The following NBEAL1 variants were observed in gnomAD, a reference collection of about 807,000 sequenced individuals.
NBEAL1 encodes neurobeachin like 1, also known as neurobeachin-like protein 1.
Under a neutral mutation model 351.3 loss-of-function variants are expected in NBEAL1, and 273 were observed. That is an observed-to-expected ratio of 0.78 (90% CI 0.70 to 0.86). NBEAL1 has a LOEUF of 0.86. Ranked by LOEUF, NBEAL1 falls within the 40% of genes least tolerant of loss-of-function variation. The pLI, the probability that NBEAL1 is intolerant of heterozygous loss-of-function variation, is 0.00. For missense variants in NBEAL1, 2,961 were observed against 3,201.3 expected (o/e 0.92, Z 1.81); for synonymous variants, 1,050 against 1,086.4 (o/e 0.97, Z 0.66).
chr2:203,138,072 C>A, intron 29 of NBEAL1, 90 bp from the exon 30 acceptor site: 1 of 1,147,364 alleles, frequency 8.7e-7, no homozygotes, highest in Non-Finnish European at 1.3e-6. Flanking sequence ...AGATACAGTG[C>A]TGCCTCTCAA....
Position 203,129,976 on chromosome 2 carries a change from G to A in NBEAL1, c.3406-342G>A, listed in dbSNP as rs531684663. ...GAGGAGTTTGAGACTAGCCTGGGCG[G>A]CATGACGAAACCCCATTCCTACCAG... On this transcript the variant is annotated intron_variant, in intron 24 of 55. Coordinates refer to ENST00000683969, the MANE Select transcript of NBEAL1 (RefSeq NM_001378026.1). Among the ~76,000 whole-genome samples, 29 of 152,270 alleles carry A rather than the reference G, an allele frequency of 1.9e-4. No individual in the cohort carries two copies. The East Asian group carries it at 5.4e-3, about 28-fold the overall frequency.
At chr2:203,050,820 C>G (rs1463572036) in intron 4 of NBEAL1, among the ~76,000 whole-genome samples, 1 of 152,108 alleles carries the variant, frequency 6.6e-6, no homozygotes, top group Non-Finnish European at 1.5e-5. Flanking sequence ...TGTAAGAATT[C>G]AAGAACCATT....
At position 203,149,116 on chromosome 2, in the gene NBEAL1, T is replaced by C. The variant is rs755847855; in HGVS notation, c.5430T>C (p.Tyr1810=). The C allele has an allele frequency of 6.2e-7, 1 of 1,605,090 alleles. No individual in the cohort carries two copies. Among genetic ancestry groups the C allele is most frequent in the South Asian group, 1.1e-5 (1 of 89,318 alleles). ...TLRRWKAIQL[Y]LTCERGPWAK... ...GACGCTGGAAAGCAATACAGCTCTA[T>C]CTTACATGTGAAAGGGGACCTTGGG... is the stretch of plus-strand genomic sequence containing the variant. Residue 1810 remains tyrosine, a synonymous_variant, in exon 34 of 56, where the codon TAT becomes TAC. Coordinates refer to ENST00000683969, the MANE Select transcript of NBEAL1 (RefSeq NM_001378026.1).
At chr2:203,107,560 C>T (rs2062464716) in intron 13 of NBEAL1, 42 bp downstream of exon 13, 1 of 1,539,064 alleles carries the variant, frequency 6.5e-7, no homozygotes, top group Admixed American at 2.0e-5. Flanking sequence ...TGTTAATATC[C>T]ATTTTGAAAA....
rs1418186337 is a variant in NBEAL1, at chr2:203,136,080, GA to G, written c.4219del (p.Ile1407LeufsTer6). On this transcript the variant is annotated frameshift_variant, in exon 28 of 56. Coordinates refer to ENST00000683969, the MANE Select transcript of NBEAL1 (RefSeq NM_001378026.1). LOFTEE classifies it high-confidence loss of function. ...TCACATTTGAGTTTAGACCTCAGTG[GA>G]ATTGACTCATGTGAAATGAGTGATA... is the stretch of plus-strand genomic sequence containing the variant. The part of the protein sequence containing the change: ...NPSHLSLDLS[G>X]IDSCEMSDSG... 1.2e-6 allele frequency: 2 copies of G among 1,613,918 alleles called. No homozygotes were observed. The highest frequency in any genetic ancestry group is 1.7e-5 in the Admixed American group (1 of 59,976).
At chr2:203,050,316 T>A (rs1179933046) in intron 4 of NBEAL1, 2 of 157,432 alleles carry the variant, frequency 1.3e-5, no homozygotes, top group East Asian at 3.6e-4. Flanking sequence ...TAATTTTGTT[T>A]ATTATTAGTG....
intron 51 of NBEAL1, among the ~76,000 whole-genome samples, chr2:203,206,866 C>T (rs563369742): frequency 6.6e-6 from 1 of 151,348 alleles, no homozygotes; most frequent in Admixed American, 6.6e-5. Flanking sequence ...AGGAGGGTCT[C>T]TGCCTGGCCG....
chr2:203,174,117 G>A (rs1056581337), intron 41 of NBEAL1, among the ~76,000 whole-genome samples: 2 of 139,116 alleles, frequency 1.4e-5, no homozygotes, highest in South Asian at 2.2e-4. Flanking sequence ...AGATTTCTAG[G>A]TATCAATTTT....
At chr2:203,191,684 C>T (rs1307377456) in intron 46 of NBEAL1, among the ~76,000 whole-genome samples, 2 of 152,132 alleles carry the variant, frequency 1.3e-5, no homozygotes, top group Non-Finnish European at 2.9e-5. Context: ...TAATACCTAG[C>T]CTATAATGCC....
rs114306335 is a variant in NBEAL1, at chr2:203,171,322, A to G, written c.6103-606A>G. On this transcript the variant is annotated intron_variant, in intron 39 of 55. Coordinates refer to ENST00000683969, the MANE Select transcript of NBEAL1 (RefSeq NM_001378026.1). Reference sequence around the variant, plus strand: ...TAAAATGTGAAATTTTAAGACATTTATTCTGGGCATGGTGGCATATGCCTG... The same window carrying G: ...TAAAATGTGAAATTTTAAGACATTTGTTCTGGGCATGGTGGCATATGCCTG... Among the ~76,000 whole-genome samples, 572 of 152,194 alleles carry G rather than the reference A, an allele frequency of 3.8e-3. 8 individuals carry two copies. Among genetic ancestry groups the G allele is most frequent in the African/African-American group, 0.013 (539 of 41,534 alleles).
At chr2:203,051,527 C>T (rs892919412) in intron 4 of NBEAL1, among the ~76,000 whole-genome samples, 7 of 147,898 alleles carry the variant, frequency 4.7e-5, no homozygotes, top group East Asian at 2.0e-4. Context: ...GCCTGGGTGA[C>T]GGAGCGAGAC....
chr2:203,144,621 A>G lies in NBEAL1; in HGVS notation c.4870A>G (p.Lys1624Glu), dbSNP rs756541165. 1 of 1,613,164 alleles carries G rather than the reference A, an allele frequency of 6.2e-7. No homozygotes were observed. The highest frequency in any genetic ancestry group is 1.1e-5 in the South Asian group (1 of 90,934). ...CCAGGTTTGTGCAATGGCATCAGCT[A>G]AGCTAAATACCCTTCTTCAGACCAA... is the stretch of plus-strand genomic sequence containing the variant. Reference protein sequence around the residue: ...NLQVCAMASAKLNTLLQTKVI... With the variant: ...NLQVCAMASAELNTLLQTKVI... The change falls in exon 32 of 56, where the codon AAG (lysine) becomes GAG (glutamate). Residue 1624 changes from lysine to glutamate, a missense_variant. Physicochemically the swap from Lys to Glu is moderately conservative, Grantham distance 56. Coordinates refer to ENST00000683969, the MANE Select transcript of NBEAL1 (RefSeq NM_001378026.1).
Position 203,188,472 on chromosome 2 carries a change from G to C in NBEAL1, c.6706G>C (p.Glu2236Gln). 1.3e-6 allele frequency: 2 copies of C among 1,492,434 alleles called. No homozygotes were observed. The highest frequency in any genetic ancestry group is 2.3e-5 in the East Asian group (1 of 43,180). The allele number at this position is 1,492,434 out of a possible 1,614,324, so 92.4% of individuals were successfully genotyped here. A position where few individuals can be genotyped will look rare whatever the true frequency, so the allele number is the denominator to read the frequency against. Reference protein sequence around the residue: ...DFIYKHRKALESEYVSAHLHE... With the variant: ...DFIYKHRKALQSEYVSAHLHE... ...ATTATTAAATTTATTCTTTTTCTAGGAGTCTGAATATGTTTCAGCTCATCT... is the reference window on the plus strand; with the variant it reads ...ATTATTAAATTTATTCTTTTTCTAGCAGTCTGAATATGTTTCAGCTCATCT... Residue 2236 changes from glutamate (E) to glutamine (Q), a missense_variant and splice_region_variant, in exon 45 of 56, where the codon GAG (glutamate) becomes CAG (glutamine). By Grantham distance (29) the Glu-to-Gln change is conservative. Transcript: ENST00000683969.
chr2:203,170,719 A>T (rs948612617), intron 39 of NBEAL1, among the ~76,000 whole-genome samples: 1 of 152,200 alleles, frequency 6.6e-6, no homozygotes, highest in African/African-American at 2.4e-5. Context: ...TACTATTGCC[A>T]GTGAAAAAAG....
intron 6 of NBEAL1, among the ~76,000 whole-genome samples, chr2:203,066,977 CG>C (rs1380139803): frequency 1.4e-5 from 2 of 144,772 alleles, no homozygotes; most frequent in African/African-American, 5.2e-5. Flanking sequence ...GCGGGGCGGC[CG>C]GGCAGAGGCA....
intron 23 of NBEAL1, 25 bp from the exon 24 acceptor site, chr2:203,127,756 T>C: frequency 7.0e-7 from 1 of 1,436,016 alleles, no homozygotes; most frequent in Non-Finnish European, 9.5e-7. Flanking sequence ...AAATTTCAAT[T>C]CTTATACTTT....
At chr2:203,129,413 C>T (rs2063021729) in intron 24 of NBEAL1, among the ~76,000 whole-genome samples, 1 of 152,144 alleles carries the variant, frequency 6.6e-6, no homozygotes, top group East Asian at 1.9e-4. Flanking sequence ...TACATGACTT[C>T]ATTATCGGTA....
chr2:203,196,995 G>A (rs752829286), intron 47 of NBEAL1, among the ~76,000 whole-genome samples: 2 of 152,136 alleles, frequency 1.3e-5, no homozygotes, highest in Non-Finnish European at 2.9e-5. Context: ...TTATATGTAT[G>A]TCAGTATAAC....
rs1354133110 is a variant in NBEAL1, at chr2:203,126,845, C to T, written c.3167C>T (p.Thr1056Ile). 2.6e-6 allele frequency: 4 copies of T among 1,552,130 alleles called. No homozygotes were observed. Among genetic ancestry groups the T allele is most frequent in the Non-Finnish European group, 3.5e-6 (4 of 1,146,988 alleles). ...TTAGGTCACATACAGTATCTTTCAA[C>T]CATCATTAAAGACAGCAGGAGAGTT... ...FRIGHIQYLS[T>I]IIKDSRRVFR... The change falls in exon 23 of 56, where the codon ACC (threonine) becomes ATC (isoleucine). Residue 1056 changes from threonine to isoleucine, a missense_variant. Transcript: ENST00000683969.
Sources: gnomAD v4.1 joint callset for allele counts (sites outside exome capture counted in the v4.1 genomes callset) on GRCh38, gnomAD v4.1.1 for gene constraint, MANE v1.5 for transcripts, NCBI Gene and HGNC (gene_info 2026-07-23, HGNC 2026-07-21) for gene names.